The following ANKLE2 variants were observed in gnomAD, a reference collection of about 807,000 sequenced individuals.
ANKLE2 encodes the protein ankyrin repeat and LEM domain containing 2, also known as ankyrin repeat and LEM domain-containing protein 2.
A neutral mutation model predicts 84.2 loss-of-function variants in ANKLE2; 55 were observed. The observed-to-expected ratio is 0.65, with a 90% confidence interval of 0.53 to 0.82. The LOEUF (loss-of-function observed/expected upper bound fraction) is 0.82. Ranked by LOEUF, ANKLE2 falls within the 40% of genes least tolerant of loss-of-function variation. The pLI is 0.00. For synonymous variants in ANKLE2, 551 were observed against 486.1 expected, an observed-to-expected ratio of 1.13 and a Z score of -1.76; for missense variants, 1,238 against 1,201.9, an observed-to-expected ratio of 1.03 and a Z score of -0.44.
At chr12:132,728,928 C>T (rs925359249) in intron 11 of ANKLE2, among the ~76,000 whole-genome samples, 3 of 152,202 alleles carry the variant, frequency 2.0e-5, no homozygotes, top group African/African-American at 4.8e-5. Context: ...ACACCACTGG[C>T]AGGCACATCC....
chr12:132,743,192 T>G lies in ANKLE2; in HGVS notation c.1315A>C (p.Lys439Gln). Residue 439 changes from lysine to glutamine, a missense_variant, in exon 6 of 13, where the codon AAA (lysine) becomes CAA (glutamine). Lys to Gln is a moderately conservative substitution (Grantham distance 53). This residue lies in a region of ANKLE2 where 802 missense variants were observed against 774.5 expected (regional missense o/e 1.04). Transcript: ENST00000357997. This position sits in a 1 kb window ranked among gnomAD's most constrained non-coding sequence, Gnocchi z 4.1. ...TTATCATATTTATTCCTTGAGTTTT[T>G]TACAATCAAATGGTGTGACGAAAGC... is the stretch of plus-strand genomic sequence containing the variant. The part of the protein sequence containing the change: ...NVLSSHHLIV[K>Q]NSRNKYDKTP... The G allele has an allele frequency of 6.2e-7, 1 of 1,611,618 alleles. No individual in the cohort carries two copies. The highest frequency in any genetic ancestry group is 1.1e-5 in the South Asian group (1 of 90,364).
intron 7 of ANKLE2, among the ~76,000 whole-genome samples, chr12:132,739,725 G>T (rs917297809): frequency 1.3e-5 from 2 of 152,246 alleles, no homozygotes; most frequent in African/African-American, 4.8e-5. Flanking sequence ...CTGAGTGACG[G>T]GAAGGGTGGG....
At position 132,743,589 on chromosome 12, in the gene ANKLE2, T is replaced by G. The variant is rs2044175474; in HGVS notation, c.1231-313A>C. 6.6e-6 allele frequency among the ~76,000 whole-genome samples: 1 copy of G among 151,434 alleles called. No homozygotes were observed. The highest frequency in any genetic ancestry group is 1.5e-5 in the Non-Finnish European group (1 of 67,884). On this transcript the variant is annotated intron_variant, in intron 5 of 12. Coordinates refer to ENST00000357997, the MANE Select transcript of ANKLE2 (RefSeq NM_015114.3). This position sits in a 1 kb window ranked among gnomAD's most constrained non-coding sequence, Gnocchi z 4.1. ...GTCTCGAACTCCTGACCTCAGGTGA[T>G]CCACCTGCCTTTGCCTCCCAAAGTG...
chr12:132,750,194 G>A (rs1305008256), intron 3 of ANKLE2, among the ~76,000 whole-genome samples: 4 of 110,874 alleles, frequency 3.6e-5, no homozygotes, highest in Non-Finnish European at 5.1e-5. Context: ...GACAGAGCAA[G>A]ACTCCATCTC....
At position 132,741,459 on chromosome 12, in the gene ANKLE2, T is replaced by G. The variant is rs1027194028; in HGVS notation, c.1380A>C (p.Lys460Asn). The G allele has an allele frequency of 6.2e-7, 1 of 1,614,248 alleles. No individual in the cohort carries two copies. The highest frequency in any genetic ancestry group is 1.7e-5 in the Admixed American group (1 of 60,030). Residue 460 changes from lysine (K) to asparagine (N), a missense_variant, in exon 7 of 13, where the codon AAA becomes AAC. This residue lies in a region of ANKLE2 where 802 missense variants were observed against 774.5 expected (regional missense o/e 1.04). Coordinates refer to ENST00000357997, the MANE Select transcript of ANKLE2 (RefSeq NM_015114.3). ...TGATCCGCTCCTTCAGTTCCACAGA[T>G]TTATTTTTGCTTCTTTCACAAATTA... is the stretch of plus-strand genomic sequence containing the variant. The part of the protein sequence containing the change: ...EDVICERSKN[K>N]SVELKERIRE...
chr12:132,727,164 T>C lies in ANKLE2; in HGVS notation c.*78A>G. On this transcript the variant is annotated 3_prime_UTR_variant, in exon 13 of 13. Coordinates refer to ENST00000357997, the MANE Select transcript of ANKLE2 (RefSeq NM_015114.3). The stretch of plus-strand genomic sequence containing the variant: ...TAATAATTTAATCAGAATATATTCC[T>C]TTTTGACAGTTTAGCAATAAACATA... The C allele has an allele frequency of 7.2e-7, 1 of 1,383,704 alleles. No homozygotes were observed. Among genetic ancestry groups the C allele is most frequent in the Non-Finnish European group, 9.6e-7 (1 of 1,044,608 alleles). 85.7% of individuals were successfully genotyped at this position (1,383,704 alleles called of 1,614,324 possible). A position where few individuals can be genotyped will look rare whatever the true frequency, so the allele number is the denominator to read the frequency against.
chr12:132,748,523 G>A (rs561591150), intron 3 of ANKLE2, among the ~76,000 whole-genome samples, 192 bp from the exon 4 acceptor site: 81 of 152,292 alleles, frequency 5.3e-4, no homozygotes, highest in Admixed American at 1.9e-3. Context: ...GGCAGCCAGC[G>A]TGCCCGTCAG....
At chr12:132,751,848 T>C (rs997371284) in intron 2 of ANKLE2, among the ~76,000 whole-genome samples, 1 of 152,066 alleles carries the variant, frequency 6.6e-6, no homozygotes, top group African/African-American at 2.4e-5. Flanking sequence ...CGGCTGGGAA[T>C]GCCTTTTTAA....
chr12:132,736,957 C>T lies in ANKLE2; in HGVS notation c.1529G>A (p.Gly510Glu). The stretch of plus-strand genomic sequence containing the variant: ...CAGTACCGGGTCTCTGGGGCTGCCT[C>T]CATAGCGGCTGACGTGAGAGGCCTC... ...TAEASHVSRY[G>E]GSPRDPVLTL... is the part of the protein sequence containing the mutation. The change falls in exon 8 of 13, where the codon GGA (glycine) becomes GAA (glutamate). Residue 510 changes from glycine (G) to glutamate (E), a missense_variant. Transcript: ENST00000357997. 6.2e-7 allele frequency: 1 copy of T among 1,613,914 alleles called. No homozygotes were observed. Among genetic ancestry groups the T allele is most frequent in the Admixed American group, 1.7e-5 (1 of 60,024 alleles).
At chr12:132,737,122 T>G in intron 7 of ANKLE2, 57 bp from the exon 8 acceptor site, 1 of 1,525,828 alleles carries the variant, frequency 6.6e-7, no homozygotes, top group Non-Finnish European at 8.8e-7. Context: ...AGGTCAGGCC[T>G]GGGTGAGCAG....
At position 132,750,769 on chromosome 12, in the gene ANKLE2, A is replaced by G. The variant is rs1185119740; in HGVS notation, c.721T>C (p.Ser241Pro). The change falls in exon 3 of 13, where the codon TCT becomes CCT. Residue 241 changes from serine (S) to proline (P), a missense_variant. Around this residue, in one of 3 missense-constraint regions of ANKLE2, gnomAD observed 422 missense variants for 394.5 expected, o/e 1.07. Transcript: ENST00000357997. ...AATTTCTCAGCGTCTTCTCTGGTAG[A>G]AAAAGCTTTAAATCGGGACCCTTTG... ...MIKGSRFKAF[S>P]TREDAEKFAR... 2 of 1,614,224 alleles carry G rather than the reference A, an allele frequency of 1.2e-6. No individual in the cohort carries two copies. Among genetic ancestry groups the G allele is most frequent in the Middle Eastern group, 1.6e-4 (1 of 6,062 alleles).
intron 7 of ANKLE2, among the ~76,000 whole-genome samples, chr12:132,740,727 G>A (rs766580080): frequency 6.6e-6 from 1 of 152,078 alleles, no homozygotes; most frequent in African/African-American, 2.4e-5. Flanking sequence ...GAAACCAGCC[G>A]TTTTCACATG....
chr12:132,761,504 C>T, intron 1 of ANKLE2, 114 bp downstream of exon 1: 2 of 942,576 alleles, frequency 2.1e-6, no homozygotes, highest in Admixed American at 9.2e-5. Context: ...TCCCCGGCCG[C>T]CTCGCCCAAC....
Position 132,736,948 on chromosome 12 carries a change from G to T in ANKLE2, c.1538C>A (p.Pro513His), listed in dbSNP as rs769466853. The T allele has an allele frequency of 6.4e-5, 103 of 1,613,822 alleles. No homozygotes were observed. The South Asian group carries it at 1.1e-3, about 17-fold the overall frequency. ...TCTCAGGGTCAGTACCGGGTCTCTG[G>T]GGCTGCCTCCATAGCGGCTGACGTG... ...ASHVSRYGGSPRDPVLTLRAF... is the reference protein window; with the variant it reads ...ASHVSRYGGSHRDPVLTLRAF... Residue 513 changes from proline (P) to histidine (H), a missense_variant, in exon 8 of 13, where the codon CCC becomes CAC. Transcript: ENST00000357997.
chr12:132,760,461 C>T (rs1314645106), intron 1 of ANKLE2: 4 of 152,228 alleles, frequency 2.6e-5, no homozygotes, highest in African/African-American at 4.8e-5. Flanking sequence ...GGCTCAGCCC[C>T]GCAAGACTGC....
At chr12:132,731,840 GCT>G (rs2043852715) in intron 10 of ANKLE2, 1 of 152,266 alleles carries the variant, frequency 6.6e-6, no homozygotes, top group Admixed American at 6.5e-5. Context: ...CTTCCATCAT[GCT>G]CTTTCCATTC....
chr12:132,727,574 C>T, intron 12 of ANKLE2, 131 bp from the exon 13 acceptor site: 1 of 809,708 alleles, frequency 1.2e-6, no homozygotes, highest in Non-Finnish European at 1.9e-6. Flanking sequence ...TGAACCCTGG[C>T]ACCGCGGGCA....
chr12:132,728,077 C>T lies in ANKLE2; in HGVS notation c.2570G>A (p.Arg857Lys). 6.2e-7 allele frequency: 1 copy of T among 1,612,882 alleles called. No homozygotes were observed. Among genetic ancestry groups the T allele is most frequent in the Non-Finnish European group, 8.5e-7 (1 of 1,179,938 alleles). The part of the protein sequence containing the change: ...VDPHQFPAVH[R>K]WKSAVLCYSP... ...GTAGCACAGGACAGCACTCTTCCAT[C>T]TGTGCACGGCCGGGAACTGATGGGG... Residue 857 changes from arginine to lysine, a missense_variant, in exon 12 of 13, where the codon AGA becomes AAA. By Grantham distance (26) the Arg-to-Lys change is conservative. This residue lies in a region of ANKLE2 where 802 missense variants were observed against 774.5 expected (regional missense o/e 1.04). Transcript: ENST00000357997.
In ANKLE2 at chr12:132,728,054, A is replaced by T. The variant is rs200148522; in HGVS notation, c.2593T>A (p.Tyr865Asn). The change falls in exon 12 of 13, where the codon TAC (tyrosine) becomes AAC (asparagine). Residue 865 changes from tyrosine to asparagine, a missense_variant. This residue lies in a region of ANKLE2 where 802 missense variants were observed against 774.5 expected (regional missense o/e 1.04). Transcript: ENST00000357997. ...TACCTCTGTCTGTCCGAGGGTGAGT[A>T]GCACAGGACAGCACTCTTCCATCTG... ...VHRWKSAVLC[Y>N]SPSDRQSWPS... 3 of 1,609,334 alleles carry T rather than the reference A, an allele frequency of 1.9e-6. No individual in the cohort carries two copies. Among genetic ancestry groups the T allele is most frequent in the Non-Finnish European group, 2.5e-6 (3 of 1,179,018 alleles).
Sources: gnomAD v4.1 joint callset for allele counts (sites outside exome capture counted in the v4.1 genomes callset) on GRCh38, gnomAD v4.1.1 for gene constraint, gnomAD v4.1.1 regional missense constraint, Gnocchi (gnomAD v3.1) non-coding constraint, MANE v1.5 for transcripts, NCBI Gene and HGNC (gene_info 2026-07-23, HGNC 2026-07-21) for gene names.